SYT13: variants seen among roughly 807,000 people sequenced by gnomAD.
The protein encoded by SYT13 is synaptotagmin-13.
A neutral mutation model predicts 38.6 loss-of-function variants in SYT13; 21 were observed. That is an observed-to-expected ratio of 0.54 (90% confidence interval 0.39 to 0.78). The LOEUF (loss-of-function observed/expected upper bound fraction) is 0.78, where lower values mean the gene tolerates loss of function less well. SYT13 is among the 30% of genes least tolerant of loss of function. SYT13 has a pLI of 0.00. For missense variants in SYT13, 495 were observed against 548.7 expected (o/e 0.90, Z 0.98); for synonymous variants, 241 against 237.6 (o/e 1.01, Z -0.13).
chr11:45,285,499 G>T (rs1033906631), intron 1 of SYT13, among the ~76,000 whole-genome samples: 1 of 152,036 alleles, frequency 6.6e-6, no homozygotes, highest in Admixed American at 6.5e-5. Context: ...GCGGGACCGC[G>T]GCCACCTCCC....
At position 45,242,783 on chromosome 11, in the gene SYT13, G is replaced by A. The variant is rs1854567501; in HGVS notation, c.*1269C>T. 1.3e-5 allele frequency: 2 copies of A among 152,050 alleles called. No individual in the cohort carries two copies. Among genetic ancestry groups the A allele is most frequent in the Non-Finnish European group, 2.9e-5 (2 of 68,034 alleles). The allele number at this position is 152,050 out of a possible 1,614,324, so 9.4% of individuals were successfully genotyped here. On this transcript the variant is annotated 3_prime_UTR_variant, in exon 6 of 6. Transcript: ENST00000020926. ...GTCAACAACAGAACCCAGGAATCCT[G>A]GTTCAGGTGTAAGTACCGTATCCAC...
chr11:45,257,908 T>C (rs967833962), intron 1 of SYT13, among the ~76,000 whole-genome samples: 1 of 152,178 alleles, frequency 6.6e-6, no homozygotes, highest in African/African-American at 2.4e-5. Context: ...CCCTAAAAGG[T>C]AGAGCTTACC....
At chr11:45,270,688 C>T (rs1039429290) in intron 1 of SYT13, among the ~76,000 whole-genome samples, 8 of 152,136 alleles carry the variant, frequency 5.3e-5, no homozygotes, top group Non-Finnish European at 1.0e-4. Flanking sequence ...AACCATCAAA[C>T]CCATGTGACT....
intron 1 of SYT13, among the ~76,000 whole-genome samples, chr11:45,281,947 C>G (rs1443731261): frequency 6.6e-6 from 1 of 152,194 alleles, no homozygotes; most frequent in African/African-American, 2.4e-5. Flanking sequence ...AAGAGCAGTT[C>G]TCCTTTCTTA....
intron 1 of SYT13, among the ~76,000 whole-genome samples, chr11:45,279,180 G>A (rs1045467055): frequency 3.9e-5 from 6 of 152,240 alleles, no homozygotes; most frequent in South Asian, 4.2e-4. Flanking sequence ...TTGATTCCCA[G>A]CTCTCCCACT....
intron 1 of SYT13, among the ~76,000 whole-genome samples, chr11:45,279,802 G>A (rs961545199): frequency 1.3e-5 from 2 of 152,276 alleles, no homozygotes; most frequent in Admixed American, 6.5e-5. Context: ...AGAATCCATG[G>A]AGGTCAGACC....
At chr11:45,258,670 G>A (rs1397635184) in intron 1 of SYT13, among the ~76,000 whole-genome samples, 1 of 152,172 alleles carries the variant, frequency 6.6e-6, no homozygotes, top group Non-Finnish European at 1.5e-5. Context: ...GTACATGCAG[G>A]GCACAATCAG....
chr11:45,258,126 A>G (rs1854770538), intron 1 of SYT13, among the ~76,000 whole-genome samples: 1 of 152,188 alleles, frequency 6.6e-6, no homozygotes, highest in South Asian at 2.1e-4. Context: ...GCAGCTGGTG[A>G]GGGCAGCAGC....
chr11:45,272,361 AG>A (rs1366972753), intron 1 of SYT13, among the ~76,000 whole-genome samples: 3 of 152,176 alleles, frequency 2.0e-5, no homozygotes, highest in Non-Finnish European at 4.4e-5. Flanking sequence ...AAAGAAAGAA[AG>A]AAAAAAGCAG....
chr11:45,255,850 G>A lies in SYT13; in HGVS notation c.225C>T (p.Ala75=). Residue 75 remains alanine (A), a synonymous_variant, in exon 2 of 6, where the codon GCC becomes GCT. Transcript: ENST00000020926. ...KKSTEPVQPR[A]LLKFPDIYGP... ...CATAGATGTCTGGGAACTTGAGGAGGGCACGGGGCTGAACAGGTTCCGTGG... is the reference window on the plus strand; with the variant it reads ...CATAGATGTCTGGGAACTTGAGGAGAGCACGGGGCTGAACAGGTTCCGTGG... 2.5e-6 allele frequency: 4 copies of A among 1,614,184 alleles called. No homozygotes were observed. The highest frequency in any genetic ancestry group is 2.5e-6 in the Non-Finnish European group (3 of 1,180,044).
chr11:45,285,243 C>A (rs1270350351), intron 1 of SYT13, among the ~76,000 whole-genome samples: 1 of 152,192 alleles, frequency 6.6e-6, no homozygotes, highest in Non-Finnish European at 1.5e-5. Flanking sequence ...TTCCCCAGAC[C>A]CCTTCTGCTG....
chr11:45,278,184 G>C (rs962170681), intron 1 of SYT13, among the ~76,000 whole-genome samples: 9 of 152,192 alleles, frequency 5.9e-5, no homozygotes, highest in African/African-American at 2.2e-4. Flanking sequence ...CTTAAAACTT[G>C]CTTCTATGAA....
intron 1 of SYT13, among the ~76,000 whole-genome samples, chr11:45,257,896 T>A (rs1041740717): frequency 3.3e-5 from 5 of 152,200 alleles, no homozygotes; most frequent in African/African-American, 1.2e-4. Flanking sequence ...TCTTCTGAAC[T>A]TCCCTAAAAG....
At chr11:45,276,493 G>C (rs1448043569) in intron 1 of SYT13, among the ~76,000 whole-genome samples, 1 of 152,092 alleles carries the variant, frequency 6.6e-6, no homozygotes, top group Non-Finnish European at 1.5e-5. Context: ...ATGACAGGTT[G>C]ATGAGTGCAG....
At chr11:45,249,649 A>C (rs955726497) in intron 4 of SYT13, among the ~76,000 whole-genome samples, 6 of 152,172 alleles carry the variant, frequency 3.9e-5, no homozygotes, top group African/African-American at 1.4e-4. Context: ...TAATACAGGA[A>C]CTGAAAACCA....
At chr11:45,279,325 T>A (rs1011092909) in intron 1 of SYT13, among the ~76,000 whole-genome samples, 1 of 152,238 alleles carries the variant, frequency 6.6e-6, no homozygotes, top group Admixed American at 6.5e-5. Flanking sequence ...ATCACACCTG[T>A]AATTCTAGCA....
intron 3 of SYT13, 182 bp downstream of exon 3, chr11:45,254,088 T>G (rs535583564): frequency 3.5e-6 from 2 of 565,996 alleles, no homozygotes; most frequent in Non-Finnish European, 5.4e-6. Flanking sequence ...ATCCCCACTT[T>G]GGACTGTTGG....
At chr11:45,265,241 C>T (rs76073948) in intron 1 of SYT13, among the ~76,000 whole-genome samples, 2,370 of 152,370 alleles carry the variant, frequency 0.016, 29 homozygotes, top group Non-Finnish European at 0.026. Flanking sequence ...CAGCTGTCTA[C>T]GCATACATAC....
chr11:45,272,645 A>G (rs774261060), intron 1 of SYT13, among the ~76,000 whole-genome samples: 1 of 152,206 alleles, frequency 6.6e-6, no homozygotes, highest in Non-Finnish European at 1.5e-5. Flanking sequence ...CAGTCTACAA[A>G]ATGTCCCAAA....
Sources: gnomAD v4.1 joint callset for allele counts (sites outside exome capture counted in the v4.1 genomes callset) on GRCh38, gnomAD v4.1.1 for gene constraint, MANE v1.5 for transcripts, NCBI Gene and HGNC (gene_info 2026-07-23, HGNC 2026-07-21) for gene names.